The following NCKAP5 variants were observed in gnomAD, a reference collection of about 807,000 sequenced individuals.
NCKAP5 encodes nck-associated protein 5.
A neutral mutation model predicts 167.0 loss-of-function variants in NCKAP5; 92 were observed. The ratio of observed to expected loss-of-function variants is 0.55; its 90% CI spans 0.47 to 0.66. NCKAP5 has a LOEUF of 0.66. NCKAP5 is among the 30% of genes least tolerant of loss of function. The probability of loss-of-function intolerance (pLI) is 0.00; values close to 1 mark genes in which losing one functional copy is unlikely to be tolerated. For synonymous variants in NCKAP5, 891 were observed against 877.4 expected (o/e 1.02, Z -0.27); for missense variants, 2,378 against 2,315.0 (o/e 1.03, Z -0.56).
At chr2:133,133,656 C>T (rs183852681) in intron 5 of NCKAP5, among the ~76,000 whole-genome samples, 1 of 152,270 alleles carries the variant, frequency 6.6e-6, no homozygotes, top group Non-Finnish European at 1.5e-5. Flanking sequence ...CTCTGTTATT[C>T]GTTAGCTGCT....
intron 3 of NCKAP5, among the ~76,000 whole-genome samples, chr2:133,443,860 G>C (rs1359319801): frequency 6.6e-6 from 1 of 152,128 alleles, no homozygotes; most frequent in Non-Finnish European, 1.5e-5. Flanking sequence ...TTTGAACCTA[G>C]AAGTCAAGAT....
intron 8 of NCKAP5, among the ~76,000 whole-genome samples, chr2:132,925,325 C>A (rs981107731): frequency 6.6e-6 from 1 of 151,184 alleles, no homozygotes; most frequent in Non-Finnish European, 1.5e-5. Context: ...GAGGCCGAGG[C>A]GGGCAGATCA....
intron 3 of NCKAP5, among the ~76,000 whole-genome samples, chr2:133,505,595 C>T (rs973677014): frequency 6.6e-6 from 1 of 152,132 alleles, no homozygotes; most frequent in Non-Finnish European, 1.5e-5. Flanking sequence ...GAGACGATCA[C>T]CTCTACTAAT....
At chr2:133,129,798 G>A (rs2082534717) in intron 6 of NCKAP5, among the ~76,000 whole-genome samples, 180 bp downstream of exon 6, 1 of 152,236 alleles carries the variant, frequency 6.6e-6, no homozygotes, top group Non-Finnish European at 1.5e-5. Flanking sequence ...CAAATGGAAA[G>A]TTTCAGAAAA....
intron 3 of NCKAP5, among the ~76,000 whole-genome samples, chr2:133,383,879 G>C (rs1229539932): frequency 6.6e-6 from 1 of 152,168 alleles, no homozygotes; most frequent in African/African-American, 2.4e-5. Context: ...AGAAGTGTCT[G>C]TTCATATCCT....
chr2:133,652,805 T>C, the NCKAP5 span, among the ~76,000 whole-genome samples: 93 of 152,300 alleles, frequency 6.1e-4, no homozygotes, highest in African/African-American at 2.2e-3. Flanking sequence ...CTGAGTTTAG[T>C]TGACTGCATG....
chr2:133,589,083 A>G, the NCKAP5 span, among the ~76,000 whole-genome samples: 1,680 of 152,276 alleles, frequency 0.011, 30 homozygotes, highest in African/African-American at 0.038. Flanking sequence ...GACTGACATG[A>G]TCCTGCCCAC....
At chr2:133,112,960 G>A (rs986203460) in intron 6 of NCKAP5, among the ~76,000 whole-genome samples, 2 of 152,184 alleles carry the variant, frequency 1.3e-5, no homozygotes, top group African/African-American at 2.4e-5. Flanking sequence ...ACGATGAAAC[G>A]TGTCCCCAGA....
At chr2:132,905,219 T>C (rs1309835042) in intron 8 of NCKAP5, among the ~76,000 whole-genome samples, 1 of 152,184 alleles carries the variant, frequency 6.6e-6, no homozygotes, top group Non-Finnish European at 1.5e-5. Flanking sequence ...CCAGAATCAG[T>C]TTTGCTTCTG....
At chr2:132,826,998 G>A (rs572047529) in intron 11 of NCKAP5, among the ~76,000 whole-genome samples, 2 of 152,114 alleles carry the variant, frequency 1.3e-5, no homozygotes, top group Non-Finnish European at 1.5e-5. Context: ...TCTAGGTATC[G>A]ACAGAGGCAC....
At chr2:133,057,106 T>C (rs1343951255) in intron 6 of NCKAP5, among the ~76,000 whole-genome samples, 1 of 152,174 alleles carries the variant, frequency 6.6e-6, no homozygotes, top group Non-Finnish European at 1.5e-5. Context: ...ACACCACAAA[T>C]CGTGCCCATA....
At chr2:133,517,126 G>T (rs1421242689) in intron 3 of NCKAP5, among the ~76,000 whole-genome samples, 1 of 152,154 alleles carries the variant, frequency 6.6e-6, no homozygotes, top group Non-Finnish European at 1.5e-5. Context: ...ATAAATGGGG[G>T]ATGGAACAAC....
At chr2:133,436,216 T>C (rs1690467584) in intron 3 of NCKAP5, among the ~76,000 whole-genome samples, 1 of 152,200 alleles carries the variant, frequency 6.6e-6, no homozygotes. Context: ...GATTCTCAGT[T>C]CTGGCTGCCT....
chr2:133,538,274 T>C (rs182298781), intron 2 of NCKAP5, among the ~76,000 whole-genome samples: 2 of 152,222 alleles, frequency 1.3e-5, no homozygotes, highest in African/African-American at 4.8e-5. Flanking sequence ...GGTTACTTTG[T>C]CTTTTCCTTA....
intron 8 of NCKAP5, among the ~76,000 whole-genome samples, chr2:132,937,843 G>C (rs1160506379): frequency 6.6e-6 from 1 of 152,188 alleles, no homozygotes; most frequent in African/African-American, 2.4e-5. Flanking sequence ...CTACTCTCTA[G>C]GGAGGAAAAC....
intron 6 of NCKAP5, among the ~76,000 whole-genome samples, chr2:133,033,291 C>T (rs1481800777): frequency 6.6e-6 from 1 of 152,228 alleles, no homozygotes; most frequent in South Asian, 2.1e-4. Flanking sequence ...GCAAGAACCA[C>T]AGTGTAACTG....
Position 132,785,381 on chromosome 2 carries a change from T to A in NCKAP5, c.1430A>T (p.Asp477Val), listed in dbSNP as rs1428210122. The change falls in exon 14 of 20, where the codon GAT becomes GTT. Residue 477 changes from aspartate (D) to valine (V), a missense_variant. Around this residue, in one of 3 missense-constraint regions of NCKAP5, gnomAD observed 1,049 missense variants for 1,023.4 expected, o/e 1.02. Transcript: ENST00000409261. Reference protein sequence around the residue: ...TFVYDLDSHVDADDDPSTLAL... With the variant: ...TFVYDLDSHVVADDDPSTLAL... The stretch of plus-strand genomic sequence containing the variant: ...TAAGGTGGAAGGGTCATCGTCCGCA[T>A]CAACGTGGGAATCTAGATCATAAAC... 8 of 1,613,890 alleles carry A rather than the reference T, an allele frequency of 5.0e-6. No individual in the cohort carries two copies. The highest frequency in any genetic ancestry group is 6.8e-6 in the Non-Finnish European group (8 of 1,179,914).
At chr2:132,932,965 C>T (rs1574678432) in intron 8 of NCKAP5, among the ~76,000 whole-genome samples, 1 of 138,060 alleles carries the variant, frequency 7.2e-6, no homozygotes. Context: ...CGCTTTGTTG[C>T]CCAGGCTGGA....
chr2:132,872,552 T>C (rs565716259), intron 9 of NCKAP5, among the ~76,000 whole-genome samples: 92 of 152,312 alleles, frequency 6.0e-4, no homozygotes, highest in African/African-American at 2.0e-3. Context: ...GAGCCAATTC[T>C]CAGCCAAGGG....
Sources: allele counts gnomAD v4.1 joint callset (sites outside exome capture counted in the v4.1 genomes callset), GRCh38; gene constraint gnomAD v4.1.1; regional missense constraint gnomAD v4.1.1; transcripts MANE v1.5; gene names NCBI Gene and HGNC (gene_info 2026-07-23, HGNC 2026-07-21).